The following SMPD3 variants were observed in gnomAD, a reference collection of about 807,000 sequenced individuals.
SMPD3 encodes the protein sphingomyelin phosphodiesterase 3, also known as nSMase-2.
In SMPD3, 21 loss-of-function variants were observed where a neutral mutation model predicts 55.7. The observed-to-expected ratio is 0.38, with a 90% CI of 0.27 to 0.54. The LOEUF (loss-of-function observed/expected upper bound fraction) is 0.54. Ranked by LOEUF, SMPD3 falls within the 20% of genes least tolerant of loss-of-function variation. The probability of loss-of-function intolerance (pLI) is 0.80; values close to 1 mark genes in which losing one functional copy is unlikely to be tolerated. For synonymous variants in SMPD3, 457 were observed against 404.3 expected (o/e 1.13, Z -1.56); for missense variants, 842 against 899.6 (o/e 0.94, Z 0.82).
chr16:68,377,833 T>G (rs146554403), intron 2 of SMPD3, among the ~76,000 whole-genome samples: 45 of 152,286 alleles, frequency 3.0e-4, no homozygotes, highest in African/African-American at 1.0e-3. Flanking sequence ...TGGCTTTGAA[T>G]TTGAATTTCT....
chr16:68,393,781 T>C (rs1270121369), intron 1 of SMPD3, among the ~76,000 whole-genome samples: 2 of 152,168 alleles, frequency 1.3e-5, no homozygotes, highest in Non-Finnish European at 2.9e-5. Flanking sequence ...AATCAGATAC[T>C]CTCCTTTGCT....
chr16:68,435,590 C>A (rs983383124), intron 1 of SMPD3, among the ~76,000 whole-genome samples: 1 of 142,732 alleles, frequency 7.0e-6, no homozygotes, highest in Non-Finnish European at 1.5e-5. Flanking sequence ...GGGAAAGGCA[C>A]GGTGGGGGCT....
At chr16:68,384,792 T>A (rs1597631127) in intron 2 of SMPD3, among the ~76,000 whole-genome samples, 1 of 149,944 alleles carries the variant, frequency 6.7e-6, no homozygotes, top group African/African-American at 2.4e-5. Flanking sequence ...CACCTGACCC[T>A]AGCTGTGTGT....
chr16:68,437,416 T>G (rs1475024495), intron 1 of SMPD3, among the ~76,000 whole-genome samples: 1 of 152,258 alleles, frequency 6.6e-6, no homozygotes, highest in Non-Finnish European at 1.5e-5. Context: ...AATGGCCAGA[T>G]GAGCCCTTAA....
chr16:68,386,363 G>T (rs924747704), intron 2 of SMPD3, among the ~76,000 whole-genome samples: 28 of 152,068 alleles, frequency 1.8e-4, no homozygotes, highest in Admixed American at 1.8e-3. Context: ...TCCATAGATT[G>T]GGTGTATTGC....
chr16:68,374,422 T>A (rs568497571), intron 2 of SMPD3, among the ~76,000 whole-genome samples: 76 of 151,868 alleles, frequency 5.0e-4, no homozygotes, highest in Non-Finnish European at 5.0e-4. Context: ...ACGGGTGCAG[T>A]TTGGAGCAGC....
intron 1 of SMPD3, among the ~76,000 whole-genome samples, chr16:68,431,710 T>G (rs1597666171): frequency 6.6e-6 from 1 of 152,170 alleles, no homozygotes; most frequent in Non-Finnish European, 1.5e-5. Context: ...TCACTTGAGG[T>G]CAGGAGTTCA....
chr16:68,362,073 T>G (rs1399359916), intron 7 of SMPD3, among the ~76,000 whole-genome samples: 1 of 152,220 alleles, frequency 6.6e-6, no homozygotes, highest in Non-Finnish European at 1.5e-5. Flanking sequence ...AGAATGGGCT[T>G]CTGCCCTGAG....
chr16:68,405,132 G>T (rs1301824593), intron 1 of SMPD3, among the ~76,000 whole-genome samples: 9 of 152,192 alleles, frequency 5.9e-5, no homozygotes, highest in African/African-American at 2.2e-4. Context: ...TTCCCCCAAG[G>T]CAGGTGTTTT....
chr16:68,372,712 G>C (rs1327816379), intron 2 of SMPD3, among the ~76,000 whole-genome samples: 1 of 152,236 alleles, frequency 6.6e-6, no homozygotes, highest in Non-Finnish European at 1.5e-5. Context: ...AAAGGGAGCA[G>C]GCAGGGCATC....
chr16:68,416,612 T>C (rs548173320), intron 1 of SMPD3, among the ~76,000 whole-genome samples: 42 of 152,368 alleles, frequency 2.8e-4, no homozygotes, highest in Non-Finnish European at 4.6e-4. Flanking sequence ...CTTGGCAGGT[T>C]CACCAGGAAG....
At chr16:68,362,601 G>A (rs2089339153) in intron 7 of SMPD3, among the ~76,000 whole-genome samples, 1 of 152,240 alleles carries the variant, frequency 6.6e-6, no homozygotes, top group African/African-American at 2.4e-5. Context: ...ACCCTGCAAA[G>A]GCCGCCAGGT....
intron 1 of SMPD3, among the ~76,000 whole-genome samples, chr16:68,421,962 T>A (rs983027485): frequency 1.3e-5 from 2 of 152,214 alleles, no homozygotes; most frequent in Non-Finnish European, 2.9e-5. Flanking sequence ...ATTATCCAGA[T>A]AGGCCCAACG....
At chr16:68,401,778 C>T (rs62058167) in intron 1 of SMPD3, among the ~76,000 whole-genome samples, 3 of 152,150 alleles carry the variant, frequency 2.0e-5, no homozygotes, top group Non-Finnish European at 4.4e-5. Context: ...CACCTAGGAC[C>T]ATATAAATGC....
At chr16:68,400,307 G>T (rs2090194877) in intron 1 of SMPD3, among the ~76,000 whole-genome samples, 1 of 152,176 alleles carries the variant, frequency 6.6e-6, no homozygotes, top group Non-Finnish European at 1.5e-5. Flanking sequence ...CTCTGCCAGG[G>T]TGTCCCCCTG....
chr16:68,361,936 G>A (rs1204716046), intron 7 of SMPD3, among the ~76,000 whole-genome samples, 177 bp from the exon 8 acceptor site: 1 of 152,172 alleles, frequency 6.6e-6, no homozygotes, highest in Non-Finnish European at 1.5e-5. Context: ...GGGGTAGGCC[G>A]AGTTGCCTGT....
chr16:68,371,363 C>A lies in SMPD3; in HGVS notation c.819G>T (p.Gly273=). 1 of 1,572,540 alleles carries A rather than the reference C, an allele frequency of 6.4e-7. No homozygotes were observed. The change falls in exon 3 of 9, where the codon GGG becomes GGT. Residue 273 remains glycine (G), a synonymous_variant. Coordinates refer to ENST00000219334, the MANE Select transcript of SMPD3 (RefSeq NM_018667.4). ...GGTTGGGCGTCTGGCCCCTTGGGCC[C>A]CCGCCAGCTCCGTTCCTGGCCTGGC... ...PGGQARNGAG[G]GPRGQTPNHN...
In SMPD3 at chr16:68,404,665, A is replaced by C. The variant is rs1597649865; in HGVS notation, c.-268-18006T>G. 6.6e-6 allele frequency among the ~76,000 whole-genome samples: 1 copy of C among 152,294 alleles called. No individual in the cohort carries two copies. Among genetic ancestry groups the C allele is most frequent in the East Asian group, 1.9e-4 (1 of 5,182 alleles). On this transcript the variant is annotated intron_variant, in intron 1 of 8. Transcript: ENST00000219334. The surrounding 1 kb of genome is among the most constrained non-coding windows in gnomAD (Gnocchi z 4.0). ...TAGGGGTCACCTGTGCCCCCAGCCCACCTGCCATTGAGGTGCTAGCCCCCA... is the reference window on the plus strand; with the variant it reads ...TAGGGGTCACCTGTGCCCCCAGCCCCCCTGCCATTGAGGTGCTAGCCCCCA...
At chr16:68,401,585 C>T (rs1480800511) in intron 1 of SMPD3, among the ~76,000 whole-genome samples, 1 of 151,998 alleles carries the variant, frequency 6.6e-6, no homozygotes, top group Non-Finnish European at 1.5e-5. Flanking sequence ...CAAGAATCTC[C>T]CTGAATCCTG....
Sources: gnomAD v4.1 joint callset for allele counts (sites outside exome capture counted in the v4.1 genomes callset) on GRCh38, gnomAD v4.1.1 for gene constraint, Gnocchi (gnomAD v3.1) non-coding constraint, MANE v1.5 for transcripts, NCBI Gene and HGNC (gene_info 2026-07-23, HGNC 2026-07-21) for gene names.